Variants in RPS6KC1 observed in about 807,000 individuals in gnomAD.
RPS6KC1 encodes the protein inactive ribosomal protein S6 kinase delta-1.
RPS6KC1 carries 54 observed loss-of-function variants against 103.8 expected under a neutral mutation model. That is an observed-to-expected ratio of 0.52 (90% CI 0.42 to 0.65). RPS6KC1 has a LOEUF of 0.65. RPS6KC1 is among the 30% of genes least tolerant of loss of function. The pLI is 0.00. For missense variants in RPS6KC1, 1,151 were observed against 1,253.8 expected, an observed-to-expected ratio of 0.92 and a Z score of 1.24; for synonymous variants, 439 against 438.7, an observed-to-expected ratio of 1.00 and a Z score of -0.01.
the RPS6KC1 span, among the ~76,000 whole-genome samples, chr1:213,789,920 GA>G: frequency 2.4e-4 from 36 of 148,858 alleles, no homozygotes; most frequent in African/African-American, 9.0e-4. Flanking sequence ...TCAAGGCCAG[GA>G]AAAAATGATT....
chr1:213,812,636 G>A, the RPS6KC1 span, among the ~76,000 whole-genome samples: 5 of 152,166 alleles, frequency 3.3e-5, no homozygotes, highest in African/African-American at 1.2e-4. Flanking sequence ...AGTTAGTTGT[G>A]TGTGTTAAAG....
At chr1:213,511,464 T>TA in the RPS6KC1 span, among the ~76,000 whole-genome samples, 1 of 152,188 alleles carries the variant, frequency 6.6e-6, no homozygotes, top group African/African-American at 2.4e-5. Flanking sequence ...AGCCAACTTG[T>TA]AAGTATCACT....
At chr1:213,799,570 A>G in the RPS6KC1 span, among the ~76,000 whole-genome samples, 2 of 152,266 alleles carry the variant, frequency 1.3e-5, no homozygotes, top group African/African-American at 4.8e-5. Context: ...GTCAAACTTT[A>G]TGGTATGCTC....
chr1:213,375,613 A>G, the RPS6KC1 span, among the ~76,000 whole-genome samples: 1 of 152,150 alleles, frequency 6.6e-6, no homozygotes, highest in African/African-American at 2.4e-5. Context: ...GGGAGCACAT[A>G]TTGGTTAGGA....
At chr1:213,816,438 A>G in the RPS6KC1 span, among the ~76,000 whole-genome samples, 2 of 152,120 alleles carry the variant, frequency 1.3e-5, no homozygotes, top group African/African-American at 2.4e-5. Flanking sequence ...CACATTTTCC[A>G]TTTTGCCCTT....
At chr1:213,741,871 A>C in the RPS6KC1 span, among the ~76,000 whole-genome samples, 1 of 152,056 alleles carries the variant, frequency 6.6e-6, no homozygotes, top group Admixed American at 6.6e-5. Flanking sequence ...CATTTGGGAG[A>C]AATGGAAGGG....
At chr1:213,151,930 G>C (rs1413295926) in intron 6 of RPS6KC1, among the ~76,000 whole-genome samples, 4 of 118,478 alleles carry the variant, frequency 3.4e-5, no homozygotes, top group African/African-American at 1.3e-4. Flanking sequence ...GCGGGGGGCT[G>C]ACCCCCCCAC....
chr1:213,752,700 T>C, the RPS6KC1 span, among the ~76,000 whole-genome samples: 2 of 152,226 alleles, frequency 1.3e-5, no homozygotes, highest in Non-Finnish European at 2.9e-5. Flanking sequence ...AAGTGGCATA[T>C]AGTGTACCTT....
chr1:213,665,402 G>A, the RPS6KC1 span, among the ~76,000 whole-genome samples: 49 of 150,764 alleles, frequency 3.3e-4, no homozygotes, highest in African/African-American at 1.1e-3. Flanking sequence ...AAACACACAC[G>A]AACACAAATT....
At chr1:213,357,947 C>T in the RPS6KC1 span, among the ~76,000 whole-genome samples, 22 of 152,244 alleles carry the variant, frequency 1.4e-4, no homozygotes, top group Admixed American at 4.6e-4. Context: ...TCTTGATTTG[C>T]GTATGTTGAA....
the RPS6KC1 span, among the ~76,000 whole-genome samples, chr1:213,489,782 G>A: frequency 6.6e-6 from 1 of 152,190 alleles, no homozygotes; most frequent in African/African-American, 2.4e-5. Flanking sequence ...TATCTCAGTG[G>A]CTTAGAATTC....
chr1:213,368,171 C>T, the RPS6KC1 span, among the ~76,000 whole-genome samples: 1 of 152,248 alleles, frequency 6.6e-6, no homozygotes, highest in Non-Finnish European at 1.5e-5. Context: ...ATGGTATTCA[C>T]AGCAGCTGTG....
chr1:213,155,868 C>T (rs1234087870), intron 6 of RPS6KC1, among the ~76,000 whole-genome samples: 2 of 152,086 alleles, frequency 1.3e-5, no homozygotes, highest in African/African-American at 2.4e-5. Flanking sequence ...TCTCTCAAAT[C>T]GTAAAAGCAA....
At chr1:213,491,986 C>T in the RPS6KC1 span, among the ~76,000 whole-genome samples, 126 of 152,252 alleles carry the variant, frequency 8.3e-4, no homozygotes, top group African/African-American at 2.6e-3. Flanking sequence ...AGCCTGCCAC[C>T]GCTGAACTGT....
the RPS6KC1 span, among the ~76,000 whole-genome samples, chr1:213,602,688 T>G: frequency 6.6e-6 from 1 of 152,196 alleles, no homozygotes; most frequent in African/African-American, 2.4e-5. Flanking sequence ...GACCTGAGGC[T>G]CAGATCAAAG....
At chr1:213,477,557 A>C in the RPS6KC1 span, among the ~76,000 whole-genome samples, 1 of 152,126 alleles carries the variant, frequency 6.6e-6, no homozygotes, top group Admixed American at 6.6e-5. Context: ...TTGTTTTTTA[A>C]AATTTGTAGT....
chr1:213,392,332 GC>G, the RPS6KC1 span, among the ~76,000 whole-genome samples: 2 of 152,168 alleles, frequency 1.3e-5, no homozygotes, highest in African/African-American at 4.8e-5. Context: ...AGCACCTACA[GC>G]CCGGTCTCAA....
chr1:213,773,287 G>T, the RPS6KC1 span, among the ~76,000 whole-genome samples: 1 of 147,806 alleles, frequency 6.8e-6, no homozygotes, highest in Admixed American at 6.9e-5. Context: ...TTTCAGCAAG[G>T]TGACCATGGA....
intron 6 of RPS6KC1, among the ~76,000 whole-genome samples, chr1:213,166,125 T>C (rs977104413): frequency 1.4e-5 from 2 of 145,110 alleles, no homozygotes; most frequent in African/African-American, 5.0e-5. Flanking sequence ...ATTTGGTGAG[T>C]TTTTTTTTTT....
Sources: allele counts gnomAD v4.1 joint callset (sites outside exome capture counted in the v4.1 genomes callset), GRCh38; gene constraint gnomAD v4.1.1; transcripts MANE v1.5; gene names NCBI Gene and HGNC (gene_info 2026-07-23, HGNC 2026-07-21).